The following SAXO1 variants were observed in gnomAD, a reference collection of about 807,000 sequenced individuals.
The protein encoded by SAXO1 is stabilizer of axonemal microtubules 1.
In SAXO1, 21 loss-of-function variants were observed where a neutral mutation model predicts 17.5. The observed-to-expected ratio is 1.20, with a 90% CI of 0.85 to 1.72. The LOEUF (loss-of-function observed/expected upper bound fraction) is 1.72, where lower values mean the gene tolerates loss of function less well. SAXO1 is among the 40% of genes most tolerant of loss of function. SAXO1 has a pLI of 0.00. For missense variants in SAXO1, 843 were observed against 596.0 expected, an observed-to-expected ratio of 1.41 and a Z score of -4.32; for synonymous variants, 274 against 216.5, an observed-to-expected ratio of 1.27 and a Z score of -2.33.
At position 18,928,231 on chromosome 9, in the gene SAXO1, C is replaced by T. The variant is rs865962195; in HGVS notation, c.1246G>A (p.Glu416Lys). The T allele has an allele frequency of 6.2e-7, 1 of 1,614,116 alleles. No homozygotes were observed. Among genetic ancestry groups the T allele is most frequent in the East Asian group, 2.2e-5 (1 of 44,866 alleles). Residue 416 changes from glutamate to lysine, a missense_variant, in exon 4 of 4, where the codon GAA (glutamate) becomes AAA (lysine). Transcript: ENST00000380534. Reference protein sequence around the residue: ...TTYTISFTPKEMGRCLASYPE... With the variant: ...TTYTISFTPKKMGRCLASYPE... ...TATGAAGCTAGGCACCTGCCCATTT[C>T]CTTGGGAGTAAAGCTGATGGTGTAG...
intron 3 of SAXO1, 48 bp from the exon 4 acceptor site, chr9:18,929,103 A>C: frequency 6.3e-7 from 1 of 1,587,478 alleles, no homozygotes; most frequent in Non-Finnish European, 8.6e-7. Flanking sequence ...AAGTCAACCA[A>C]CTTGCATATA....
chr9:18,963,467 C>G (rs1832577771), intron 1 of SAXO1, among the ~76,000 whole-genome samples: 1 of 152,114 alleles, frequency 6.6e-6, no homozygotes, highest in Non-Finnish European at 1.5e-5. Flanking sequence ...GTTGTGTCCT[C>G]TATTTCCTTG....
intron 1 of SAXO1, among the ~76,000 whole-genome samples, chr9:19,043,095 C>T (rs895487026): frequency 2.6e-5 from 4 of 151,948 alleles, no homozygotes; most frequent in Non-Finnish European, 5.9e-5. Context: ...TCACTTGAGC[C>T]TGAGAGGCAG....
At chr9:18,992,461 C>T (rs1563966658) in intron 1 of SAXO1, among the ~76,000 whole-genome samples, 1 of 152,224 alleles carries the variant, frequency 6.6e-6, no homozygotes, top group Non-Finnish European at 1.5e-5. Flanking sequence ...CGCTAATGAG[C>T]TCATGGTACC....
intron 2 of SAXO1, among the ~76,000 whole-genome samples, chr9:18,950,026 C>G (rs1831966083): frequency 6.6e-6 from 1 of 152,150 alleles, no homozygotes; most frequent in African/African-American, 2.4e-5. Context: ...TACTAGATCA[C>G]CAGTCACAGG....
At chr9:19,038,838 A>T (rs930472774) in intron 1 of SAXO1, among the ~76,000 whole-genome samples, 1 of 152,060 alleles carries the variant, frequency 6.6e-6, no homozygotes, top group African/African-American at 2.4e-5. Context: ...CTTTAAAAAA[A>T]TTAAAAAAAA....
chr9:18,945,642 T>G (rs1831759888), intron 2 of SAXO1, among the ~76,000 whole-genome samples: 1 of 152,150 alleles, frequency 6.6e-6, no homozygotes. Context: ...CAGATGGGAT[T>G]CCAAGCCCAT....
chr9:18,955,213 A>C (rs1832209175), intron 1 of SAXO1, among the ~76,000 whole-genome samples: 1 of 152,200 alleles, frequency 6.6e-6, no homozygotes, highest in African/African-American at 2.4e-5. Flanking sequence ...AAAAACTAAA[A>C]AGTTTTTTAA....
At chr9:18,966,465 T>C (rs1447812943) in intron 1 of SAXO1, among the ~76,000 whole-genome samples, 1 of 152,204 alleles carries the variant, frequency 6.6e-6, no homozygotes, top group Non-Finnish European at 1.5e-5. Context: ...TCTAATCTTG[T>C]CCTCATGCTT....
intron 2 of SAXO1, among the ~76,000 whole-genome samples, chr9:18,943,286 A>C (rs1831652350): frequency 6.6e-6 from 1 of 152,206 alleles, no homozygotes. Flanking sequence ...CGGCAGTTAT[A>C]GGACATTCAG....
chr9:19,037,338 T>C (rs990356698), upstream of SAXO1, among the ~76,000 whole-genome samples: 3 of 152,186 alleles, frequency 2.0e-5, no homozygotes, highest in African/African-American at 4.8e-5. Context: ...ACATGAGATT[T>C]GGAGGGACCA....
rs115510038 is a variant in SAXO1, at chr9:18,996,703, G to A, written c.38+36168C>T. On this transcript the variant is annotated intron_variant, in intron 1 of 3. Transcript: ENST00000380534. ...ATAGAAACGTCATAACATGATAAAG[G>A]CCACGGATGAAAAACTCACAGTGAA... is the stretch of plus-strand genomic sequence containing the variant. Among the ~76,000 whole-genome samples, 1,215 of 152,104 alleles carry A rather than the reference G, an allele frequency of 8.0e-3. 15 individuals are homozygous for A. The highest frequency in any genetic ancestry group is 0.028 in the African/African-American group (1,146 of 41,488).
At chr9:18,981,751 C>T (rs185230987) in intron 1 of SAXO1, among the ~76,000 whole-genome samples, 2 of 152,216 alleles carry the variant, frequency 1.3e-5, no homozygotes, top group African/African-American at 2.4e-5. Context: ...TGGGGCCCCA[C>T]CTCACAAGTG....
intron 1 of SAXO1, among the ~76,000 whole-genome samples, chr9:19,013,145 A>T (rs917706303): frequency 5.3e-5 from 8 of 152,126 alleles, no homozygotes; most frequent in African/African-American, 1.7e-4. Flanking sequence ...AAAAAAAAGG[A>T]ATTTGTGAAA....
intron 2 of SAXO1, 129 bp downstream of exon 2, chr9:18,950,629 A>T: frequency 1.3e-6 from 1 of 772,160 alleles, no homozygotes. Context: ...TTAAGGCATT[A>T]ATATCATATG....
intron 1 of SAXO1, among the ~76,000 whole-genome samples, chr9:18,958,186 G>C (rs375486874): frequency 6.6e-6 from 1 of 152,188 alleles, no homozygotes; most frequent in East Asian, 1.9e-4. Flanking sequence ...CACATTGGGA[G>C]GCTGAGGTGG....
intron 1 of SAXO1, among the ~76,000 whole-genome samples, chr9:18,960,572 G>C (rs905126623): frequency 3.9e-5 from 6 of 152,142 alleles, no homozygotes; most frequent in African/African-American, 1.4e-4. Flanking sequence ...AAGCCTAGGA[G>C]TTTGAGACCA....
At chr9:19,004,895 T>C (rs1378834975) in intron 1 of SAXO1, among the ~76,000 whole-genome samples, 1 of 151,970 alleles carries the variant, frequency 6.6e-6, no homozygotes, top group East Asian at 1.9e-4. Context: ...AAATTTAACA[T>C]GAAAAAAATT....
chr9:19,027,171 A>T (rs1360129556), intron 1 of SAXO1: 2 of 1,199,746 alleles, frequency 1.7e-6, no homozygotes, highest in Non-Finnish European at 2.5e-6. Context: ...GGATGGTCCA[A>T]ATATTGACCT....
Sources: gnomAD v4.1 joint callset for allele counts (sites outside exome capture counted in the v4.1 genomes callset) on GRCh38, gnomAD v4.1.1 for gene constraint, MANE v1.5 for transcripts, NCBI Gene and HGNC (gene_info 2026-07-23, HGNC 2026-07-21) for gene names.